TRIM37: variants seen among roughly 807,000 people sequenced by gnomAD.
TRIM37 encodes tripartite motif containing 37, also known as E3 ubiquitin-protein ligase TRIM37.
A neutral mutation model predicts 129.8 loss-of-function variants in TRIM37; 80 were observed. That is an observed-to-expected ratio of 0.62 (90% confidence interval 0.51 to 0.74). The LOEUF is 0.74. Among genes scored for constraint, TRIM37 ranks in the 30% least tolerant of loss-of-function variants. The probability of loss-of-function intolerance (pLI) is 0.00; values close to 1 mark genes in which losing one functional copy is unlikely to be tolerated. For missense variants in TRIM37, 1,054 were observed against 1,176.5 expected (o/e 0.90, Z 1.52); for synonymous variants, 389 against 387.1 (o/e 1.00, Z -0.06).
intron 24 of TRIM37, among the ~76,000 whole-genome samples, chr17:58,989,496 G>A (rs2032147167): frequency 6.6e-6 from 1 of 152,092 alleles, no homozygotes; most frequent in African/African-American, 2.4e-5. Context: ...TACTATGCAA[G>A]ATCATATGGG....
chr17:59,057,031 A>T lies in TRIM37; in HGVS notation c.1043T>A (p.Val348Asp), dbSNP rs201631514. 6.2e-7 allele frequency: 1 copy of T among 1,613,686 alleles called. No homozygotes were observed. The change falls in exon 13 of 24, where the codon GTT (valine) becomes GAT (aspartate). Residue 348 changes from valine to aspartate, a missense_variant. Coordinates refer to ENST00000262294, the MANE Select transcript of TRIM37 (RefSeq NM_015294.6). ...TSKYEYRVEM[V>D]HQSCNDPTKN... The stretch of plus-strand genomic sequence containing the variant: ...TGTAGGATCATTACAGGACTGGTGA[A>T]CCATCTCTACACGATATTCATATCT...
the TRIM37 span, chr17:58,969,455 T>A: frequency 3.1e-6 from 4 of 1,301,812 alleles, no homozygotes; most frequent in Non-Finnish European, 4.5e-6. Context: ...GGAGAAAGGA[T>A]GGGCAACAAT....
At chr17:59,023,548 G>C (rs900815935) in intron 19 of TRIM37, among the ~76,000 whole-genome samples, 1 of 151,946 alleles carries the variant, frequency 6.6e-6, no homozygotes, top group South Asian at 2.1e-4. Context: ...CCAGCTACTC[G>C]GGAGGCTGAG....
In TRIM37 at chr17:59,022,699, T is replaced by C. The variant is rs543081599; in HGVS notation, c.2258-5275A>G. Among the ~76,000 whole-genome samples the C allele has an allele frequency of 1.6e-4, 24 of 152,302 alleles. No homozygotes were observed. In the South Asian group the frequency reaches 4.8e-3, roughly 30 times the overall value. ...TGGCACACAGTTAACACTTAGTAAA[T>C]GTTAGCCATTATTGGTATTGTTGTT... is the stretch of plus-strand genomic sequence containing the variant. On this transcript the variant is annotated intron_variant, in intron 19 of 23. Coordinates refer to ENST00000262294, the MANE Select transcript of TRIM37 (RefSeq NM_015294.6).
At chr17:59,022,714 G>C (rs1213032788) in intron 19 of TRIM37, among the ~76,000 whole-genome samples, 1 of 152,090 alleles carries the variant, frequency 6.6e-6, no homozygotes, top group Non-Finnish European at 1.5e-5. Flanking sequence ...GCCATTATTG[G>C]TATTGTTGTT....
intron 10 of TRIM37, among the ~76,000 whole-genome samples, chr17:59,063,019 T>C (rs2041625637): frequency 6.6e-6 from 1 of 152,224 alleles, no homozygotes; most frequent in Admixed American, 6.5e-5. Context: ...CTCGCTTCTC[T>C]GCAGTATAAT....
intron 19 of TRIM37, among the ~76,000 whole-genome samples, chr17:59,019,093 CT>C (rs1206435572): frequency 6.6e-6 from 1 of 152,202 alleles, no homozygotes; most frequent in Admixed American, 6.5e-5. Context: ...TAGTCTGGCA[CT>C]GGTAGTTCCT....
chr17:58,995,177 T>C (rs1055936695), downstream of TRIM37, among the ~76,000 whole-genome samples: 2 of 152,202 alleles, frequency 1.3e-5, no homozygotes, highest in Non-Finnish European at 2.9e-5. Flanking sequence ...GCCTCCCAAG[T>C]AGCCGGGACC....
At chr17:58,967,504 GTATATA>G in the TRIM37 span, among the ~76,000 whole-genome samples, 2 of 148,496 alleles carry the variant, frequency 1.3e-5, no homozygotes, top group African/African-American at 4.9e-5. Flanking sequence ...ATATATATGT[GTATATA>G]TATATATATA....
At chr17:59,027,217 T>C (rs976059807) in intron 19 of TRIM37, among the ~76,000 whole-genome samples, 1 of 152,152 alleles carries the variant, frequency 6.6e-6, no homozygotes, top group Non-Finnish European at 1.5e-5. Flanking sequence ...TAAAAAAGAA[T>C]ACCCAACTTT....
chr17:59,000,323 G>A (rs1043538362), intron 23 of TRIM37, among the ~76,000 whole-genome samples: 1 of 152,202 alleles, frequency 6.6e-6, no homozygotes, highest in Non-Finnish European at 1.5e-5. Flanking sequence ...AGGTAGGGCT[G>A]GCATGGTAGC....
the TRIM37 span, chr17:58,972,311 AGTTATTAG>A: frequency 6.4e-7 from 1 of 1,570,950 alleles, no homozygotes; most frequent in Non-Finnish European, 8.6e-7. Context: ...CCCATGCTCT[AGTTATTAG>A]TTTAGATTTT....
intron 17 of TRIM37, 37 bp from the exon 18 acceptor site, chr17:59,032,127 C>T: frequency 6.3e-7 from 1 of 1,591,546 alleles, no homozygotes; most frequent in Admixed American, 1.7e-5. Flanking sequence ...TATATATGCA[C>T]AAACTTAGCT....
chr17:59,101,757 T>TAC (rs2045531846), intron 2 of TRIM37, among the ~76,000 whole-genome samples: 1 of 142,646 alleles, frequency 7.0e-6, no homozygotes, highest in Non-Finnish European at 1.5e-5. Flanking sequence ...TATACATATA[T>TAC]ACACACACAT....
chr17:59,036,447 G>GGTGT (rs10625636), intron 17 of TRIM37, among the ~76,000 whole-genome samples: 13,552 of 140,534 alleles, frequency 0.096, 684 homozygotes, highest in Middle Eastern at 0.15. Context: ...ATTTGCTGGG[G>GGTGT]GTGTGTGTGT....
chr17:59,015,815 G>A lies in TRIM37; in HGVS notation c.2387-16C>T, dbSNP rs765128493. On this transcript the variant is annotated splice_polypyrimidine_tract_variant and intron_variant, in intron 20 of 23. Coordinates refer to ENST00000262294, the MANE Select transcript of TRIM37 (RefSeq NM_015294.6). ...CCTGGGGAGCCTTCAAAAAAAGGAAGATGGAATACAAAAATTAGCTGGGCA... is the reference window on the plus strand; with the variant it reads ...CCTGGGGAGCCTTCAAAAAAAGGAAAATGGAATACAAAAATTAGCTGGGCA... The A allele has an allele frequency of 6.2e-7, 1 of 1,611,116 alleles. No individual in the cohort carries two copies.
chr17:59,006,346 AT>A (rs921110786), intron 22 of TRIM37, among the ~76,000 whole-genome samples: 1 of 152,166 alleles, frequency 6.6e-6, no homozygotes, highest in African/African-American at 2.4e-5. Flanking sequence ...CATCTACCAT[AT>A]TTTTTGAGCA....
At chr17:58,993,588 ACAGAT>A (rs575662411), downstream of TRIM37, among the ~76,000 whole-genome samples, 15 of 152,310 alleles carry the variant, frequency 9.8e-5, no homozygotes, top group African/African-American at 1.4e-4. Context: ...AGGGCAGAGA[ACAGAT>A]CAGATCAGAT....
At chr17:59,048,130 A>G (rs1370983279) in intron 15 of TRIM37, among the ~76,000 whole-genome samples, 3 of 152,130 alleles carry the variant, frequency 2.0e-5, no homozygotes, top group African/African-American at 4.8e-5. Flanking sequence ...ACCTAATTTT[A>G]CCATTATCAA....
Sources: allele counts gnomAD v4.1 joint callset (sites outside exome capture counted in the v4.1 genomes callset), GRCh38; gene constraint gnomAD v4.1.1; transcripts MANE v1.5; gene names NCBI Gene and HGNC (gene_info 2026-07-23, HGNC 2026-07-21).